The following DYNLT3 variants were observed in gnomAD, a reference collection of about 807,000 sequenced individuals.
The protein encoded by DYNLT3 is protein 91/23.
DYNLT3 carries 4 observed loss-of-function variants against 11.0 expected under a neutral mutation model. The ratio of observed to expected loss-of-function variants is 0.36; its 90% confidence interval spans 0.18 to 0.83. DYNLT3 has a LOEUF of 0.83. Among genes scored for constraint, DYNLT3 ranks in the 40% least tolerant of loss-of-function variants. The probability of loss-of-function intolerance (pLI) is 0.47; values close to 1 mark genes in which losing one functional copy is unlikely to be tolerated. For missense variants in DYNLT3, 91 were observed against 91.1 expected (o/e 1.00, Z 0.01); for synonymous variants, 37 against 31.2 (o/e 1.18, Z -0.61).
chrX:37,847,061 T>G, intron 1 of DYNLT3: 3 of 1,166,130 alleles, frequency 2.6e-6, no homozygotes, highest in Non-Finnish European at 3.4e-6. Flanking sequence ...GGAATGGCAG[T>G]GCCACCAGGA....
chrX:37,842,524 G>C (rs776192061), intron 2 of DYNLT3, among the ~76,000 whole-genome samples: 2 of 111,723 alleles, frequency 1.8e-5, no homozygotes, highest in Middle Eastern at 4.6e-3. Context: ...AGATGCTCTA[G>C]AAAGATAAAG....
Position 37,840,958 on chromosome X carries a change from C to G in DYNLT3, c.274+70G>C, listed in dbSNP as rs1323633157. ...GAATTTAATCAGAATTAAATAAGTA[C>G]TTGGTTAAAAAGTGCAGTTTGACTT... is the stretch of plus-strand genomic sequence containing the variant. On this transcript the variant is annotated intron_variant, in intron 4 of 4. Coordinates refer to ENST00000378578, the MANE Select transcript of DYNLT3 (RefSeq NM_006520.3). 3.0e-5 allele frequency: 31 copies of G among 1,049,175 alleles called. No homozygotes were observed. In the East Asian group the frequency reaches 8.8e-4, roughly 30 times the overall value. 86.5% of individuals were successfully genotyped at this position (1,049,175 alleles called of 1,213,427 possible).
rs1017259026 is a variant in DYNLT3 at position 37,839,040 on chromosome X, T to C, written c.*1535A>G. 3.6e-5 allele frequency: 4 copies of C among 111,816 alleles called. No homozygotes were observed. Among genetic ancestry groups the C allele is most frequent in the Non-Finnish European group, 7.5e-5 (4 of 53,202 alleles). The allele number at this position is 111,816 out of a possible 1,213,427, so 9.2% of individuals were successfully genotyped here. On this transcript the variant is annotated 3_prime_UTR_variant, in exon 5 of 5. Coordinates refer to ENST00000378578, the MANE Select transcript of DYNLT3 (RefSeq NM_006520.3). ...GAAACATGAATAATGACTGAGAATTTTTGATGTGCCAAAAACAAAGATCAC... is the reference window on the plus strand; with the variant it reads ...GAAACATGAATAATGACTGAGAATTCTTGATGTGCCAAAAACAAAGATCAC...
At position 37,839,354 on chromosome X, in the gene DYNLT3, T is replaced by C. The variant is rs1176931665; in HGVS notation, c.*1221A>G. On this transcript the variant is annotated 3_prime_UTR_variant, in exon 5 of 5. Transcript: ENST00000378578. The stretch of plus-strand genomic sequence containing the variant: ...GCCAGCTGTGTACCCTAATTTTTCA[T>C]CTATTTTCTTAATAAATTTAATTAC... The C allele has an allele frequency of 8.9e-6, 1 of 111,979 alleles. No homozygotes were observed. The highest frequency in any genetic ancestry group is 3.3e-5 in the African/African-American group (1 of 30,745). The allele number at this position is 111,979 out of a possible 1,213,427, so 9.2% of individuals were successfully genotyped here.
intron 2 of DYNLT3, among the ~76,000 whole-genome samples, chrX:37,844,201 C>T (rs182749844): frequency 4.5e-5 from 5 of 111,965 alleles, no homozygotes; most frequent in African/African-American, 9.7e-5. Flanking sequence ...TAGCCACTGC[C>T]GAGTATGTAT....
chrX:37,845,332 C>G (rs1015502801), intron 2 of DYNLT3, among the ~76,000 whole-genome samples: 1 of 112,175 alleles, frequency 8.9e-6, no homozygotes, highest in African/African-American at 3.2e-5. Context: ...TAAGGCCAGA[C>G]CTGGGTGTCA....
At chrX:37,842,697 C>T (rs1228226956) in intron 2 of DYNLT3, among the ~76,000 whole-genome samples, 1 of 111,672 alleles carries the variant, frequency 9.0e-6, no homozygotes, top group Non-Finnish European at 1.9e-5. Context: ...TCCCTATTTT[C>T]CTAATCCTTA....
intron 1 of DYNLT3, among the ~76,000 whole-genome samples, chrX:37,846,633 T>C (rs191291620): frequency 1.8e-5 from 2 of 111,869 alleles, no homozygotes; most frequent in Non-Finnish European, 3.8e-5. Flanking sequence ...TTAAGAATCA[T>C]TGTATTGTAA....
chrX:37,846,282 A>C (rs1399625148), intron 2 of DYNLT3, 35 bp downstream of exon 2: 1 of 1,196,800 alleles, frequency 8.4e-7, no homozygotes, highest in Non-Finnish European at 1.1e-6. Flanking sequence ...CCACCAGTGC[A>C]GCAAGCTTCA....
intron 2 of DYNLT3, among the ~76,000 whole-genome samples, 181 bp from the exon 3 acceptor site, chrX:37,842,086 T>C (rs968804308): frequency 1.8e-5 from 2 of 111,676 alleles, no homozygotes; most frequent in Non-Finnish European, 3.8e-5. Flanking sequence ...TGCTTAAGAG[T>C]TTTGAAAGAG....
intron 2 of DYNLT3, 43 bp from the exon 3 acceptor site, chrX:37,841,948 T>G (rs760531274): frequency 1.9e-6 from 2 of 1,045,241 alleles, no homozygotes; most frequent in Admixed American, 6.4e-5. Context: ...AGTAAAATTG[T>G]TCAAAAAGAA....
intron 2 of DYNLT3, among the ~76,000 whole-genome samples, chrX:37,845,397 G>T (rs1278702770): frequency 9.0e-6 from 1 of 111,653 alleles, no homozygotes; most frequent in Admixed American, 9.5e-5. Context: ...AATAATGAAC[G>T]GTCCCCTGCC....
intron 2 of DYNLT3, among the ~76,000 whole-genome samples, chrX:37,843,524 C>T (rs755430425): frequency 6.2e-5 from 7 of 112,058 alleles, no homozygotes; most frequent in Admixed American, 3.8e-4. Flanking sequence ...AAACTCAGGA[C>T]CTGGGCACTT....
intron 4 of DYNLT3, 126 bp from the exon 5 acceptor site, chrX:37,840,777 C>G: frequency 7.7e-6 from 3 of 388,092 alleles, no homozygotes; most frequent in Non-Finnish European, 1.3e-5. Flanking sequence ...CACACACACA[C>G]ACACACACAC....
chrX:37,839,947 C>T lies in DYNLT3; in HGVS notation c.*628G>A, dbSNP rs750772218. On this transcript the variant is annotated 3_prime_UTR_variant, in exon 5 of 5. Transcript: ENST00000378578. ...TTATTTAACTAGGAAATTCAGTTTA[C>T]CAGATTTAATTTACCCTCAAGTGTA... 9.0e-6 allele frequency: 1 copy of T among 111,407 alleles called. No individual in the cohort carries two copies. The highest frequency in any genetic ancestry group is 1.9e-5 in the Non-Finnish European group (1 of 52,917). 9.2% of individuals were successfully genotyped at this position (111,407 alleles called of 1,213,427 possible). A position where few individuals can be genotyped will look rare whatever the true frequency, so the allele number is the denominator to read the frequency against.
intron 4 of DYNLT3, 110 bp downstream of exon 4, chrX:37,840,918 T>C: frequency 1.2e-6 from 1 of 816,817 alleles, no homozygotes; most frequent in Non-Finnish European, 1.8e-6. Context: ...AGCAATACTG[T>C]TGATAGTCTT....
chrX:37,840,755 C>G (rs1602195356), intron 4 of DYNLT3, 104 bp from the exon 5 acceptor site: 1 of 219,291 alleles, frequency 4.6e-6, no homozygotes, highest in Non-Finnish European at 7.6e-6. Flanking sequence ...CACATATACA[C>G]ACACACACAC....
intron 2 of DYNLT3, among the ~76,000 whole-genome samples, chrX:37,842,872 G>T (rs190698657): frequency 6.3e-5 from 7 of 111,748 alleles, no homozygotes; most frequent in African/African-American, 1.9e-4. Context: ...ATAAAGCCTG[G>T]ATAATAAAGC....
chrX:37,845,493 A>G (rs1033045965), intron 2 of DYNLT3, among the ~76,000 whole-genome samples: 11 of 112,728 alleles, frequency 9.8e-5, no homozygotes, highest in African/African-American at 3.5e-4. Context: ...TCACTATCAT[A>G]TCAATGCTTA....
Sources: allele counts gnomAD v4.1 joint callset (sites outside exome capture counted in the v4.1 genomes callset), GRCh38; gene constraint gnomAD v4.1.1; transcripts MANE v1.5; gene names NCBI Gene and HGNC (gene_info 2026-07-23, HGNC 2026-07-21).